The following CUX1 variants were observed in gnomAD, a reference collection of about 807,000 sequenced individuals.
The protein encoded by CUX1 is protein CASP.
CUX1 carries 31 observed loss-of-function variants against 158.8 expected under a neutral mutation model. The observed-to-expected ratio is 0.20, with a 90% CI of 0.15 to 0.26. CUX1 has a LOEUF of 0.26. Ranked by LOEUF, CUX1 falls within the 10% of genes least tolerant of loss-of-function variation. The pLI is 1.00. For synonymous variants in CUX1, 879 were observed against 862.1 expected (o/e 1.02, Z -0.34); for missense variants, 1,589 against 2,014.6 (o/e 0.79, Z 4.04).
At chr7:101,820,994 C>T (rs1301297168) in intron 1 of CUX1, among the ~76,000 whole-genome samples, 5 of 152,146 alleles carry the variant, frequency 3.3e-5, no homozygotes, top group East Asian at 1.9e-4. Flanking sequence ...TCGTGCTGGG[C>T]GCTTTAGGAA....
intron 4 of CUX1, among the ~76,000 whole-genome samples, chr7:102,084,950 A>G (rs1353395271): frequency 2.1e-5 from 3 of 145,026 alleles, no homozygotes; most frequent in Non-Finnish European, 4.5e-5. Flanking sequence ...CTTGGACCCA[A>G]CATTAGGGAA....
intron 3 of CUX1, among the ~76,000 whole-genome samples, chr7:102,062,106 A>C (rs558959975): frequency 6.6e-6 from 1 of 152,270 alleles, no homozygotes; most frequent in East Asian, 1.9e-4. Flanking sequence ...GAGGGAGCAC[A>C]CTGGCTCTTA....
At chr7:101,845,913 C>T (rs1302084042) in intron 1 of CUX1, among the ~76,000 whole-genome samples, 1 of 151,928 alleles carries the variant, frequency 6.6e-6, no homozygotes. Flanking sequence ...GAGGCTGAGG[C>T]AGGGGAATCG....
chr7:102,205,327 T>C (rs1554520814), intron 20 of CUX1, among the ~76,000 whole-genome samples, 157 bp downstream of exon 20: 1 of 151,360 alleles, frequency 6.6e-6, no homozygotes, highest in African/African-American at 2.5e-5. Flanking sequence ...GGTCCCTCTC[T>C]GTGTCAGTTT....
At chr7:102,043,362 TGTGTGTGTTGA>T (rs891535121) in intron 3 of CUX1, among the ~76,000 whole-genome samples, 15 of 149,624 alleles carry the variant, frequency 1.0e-4, no homozygotes, top group African/African-American at 3.2e-4. Flanking sequence ...TGTGTGTGTG[TGTGTGTGTTGA>T]GAACACTTGA....
intron 10 of CUX1, among the ~76,000 whole-genome samples, chr7:102,175,078 T>G (rs1554511439): frequency 6.6e-6 from 1 of 152,218 alleles, no homozygotes; most frequent in African/African-American, 2.4e-5. Context: ...TTTTTGCTGT[T>G]TTATGAAGGA....
At chr7:102,057,214 C>T (rs1240749253) in intron 3 of CUX1, among the ~76,000 whole-genome samples, 1 of 152,142 alleles carries the variant, frequency 6.6e-6, no homozygotes, top group Non-Finnish European at 1.5e-5. Flanking sequence ...AGGTTCTTTT[C>T]AAAATATGAC....
At chr7:102,095,585 G>T (rs535155925) in intron 4 of CUX1, among the ~76,000 whole-genome samples, 2 of 152,234 alleles carry the variant, frequency 1.3e-5, no homozygotes, top group South Asian at 2.1e-4. Flanking sequence ...GCTCCTGCTG[G>T]ATACGTTAAC....
chr7:102,040,670 C>A (rs1821958485), intron 3 of CUX1, among the ~76,000 whole-genome samples: 1 of 152,220 alleles, frequency 6.6e-6, no homozygotes, highest in Non-Finnish European at 1.5e-5. Context: ...CAGCCCATAT[C>A]TGTTGAGCTG....
chr7:101,834,614 G>T (rs1196409371), intron 1 of CUX1, among the ~76,000 whole-genome samples: 1 of 152,122 alleles, frequency 6.6e-6, no homozygotes, highest in Non-Finnish European at 1.5e-5. Context: ...TAAACGTGCC[G>T]CTTGTTGCCC....
chr7:101,883,338 A>T (rs1799906934), intron 1 of CUX1, among the ~76,000 whole-genome samples: 2 of 152,188 alleles, frequency 1.3e-5, no homozygotes, highest in Non-Finnish European at 2.9e-5. Context: ...TTGACATTGT[A>T]TGGGGATGAA....
At chr7:101,875,308 AATACTGCT>A (rs1799019252) in intron 1 of CUX1, among the ~76,000 whole-genome samples, 1 of 152,118 alleles carries the variant, frequency 6.6e-6, no homozygotes, top group Non-Finnish European at 1.5e-5. Flanking sequence ...GTTTTTAGAA[AATACTGCT>A]ATTCACTCAT....
intron 2 of CUX1, among the ~76,000 whole-genome samples, chr7:101,975,430 G>C (rs932676919): frequency 1.3e-5 from 2 of 151,754 alleles, no homozygotes; most frequent in African/African-American, 2.4e-5. Context: ...GGTGGCATGT[G>C]CTTGTAGTCC....
chr7:101,850,798 C>T (rs1452833035), intron 1 of CUX1, among the ~76,000 whole-genome samples: 1 of 152,142 alleles, frequency 6.6e-6, no homozygotes, highest in African/African-American at 2.4e-5. Context: ...TCAGAAAAGG[C>T]TGCCTACGCC....
intron 23 of CUX1, among the ~76,000 whole-genome samples, chr7:102,242,756 C>A (rs1800358377): frequency 6.6e-6 from 1 of 152,186 alleles, no homozygotes; most frequent in Non-Finnish European, 1.5e-5. Context: ...CAGTCACTGC[C>A]CCCTGGCCAG....
chr7:102,222,811 CTTTTTTT>C lies in CUX1; in HGVS notation c.3131-4536_3131-4530del, dbSNP rs71123016. Among the ~76,000 whole-genome samples, 181 of 25,522 alleles carry C rather than the reference CTTTTTTT, an allele frequency of 7.1e-3. 1 individual carries two copies. Among genetic ancestry groups the C allele is most frequent in the African/African-American group, 0.019 (113 of 5,800 alleles). 16.7% of individuals were successfully genotyped at this position (25,522 alleles called of 152,430 possible). ...GGCTGTGTGTCTCGGGGCACCGTAT[CTTTTTTT>C]TTTTTTTTTTTTTTTTTTTGAGACA... On this transcript the variant is annotated intron_variant, in intron 20 of 23. Transcript: ENST00000292535.
At chr7:101,981,077 GCCTAGGGAGATGA>G (rs1813375117) in intron 2 of CUX1, among the ~76,000 whole-genome samples, 1 of 152,172 alleles carries the variant, frequency 6.6e-6, no homozygotes, top group African/African-American at 2.4e-5. Flanking sequence ...CATCAGGCTT[GCCTAGGGAGATGA>G]CCTAGGGAGA....
At chr7:101,929,794 G>T (rs1219231990) in intron 2 of CUX1, among the ~76,000 whole-genome samples, 2 of 152,100 alleles carry the variant, frequency 1.3e-5, no homozygotes, top group East Asian at 3.8e-4. Flanking sequence ...TGGGAATGAG[G>T]CCATATAATC....
intron 1 of CUX1, among the ~76,000 whole-genome samples, chr7:101,821,861 T>TG (rs1226254934): frequency 2.2e-5 from 3 of 138,642 alleles, no homozygotes; most frequent in African/African-American, 8.2e-5. Flanking sequence ...TTTTTTGTTT[T>TG]TTTTTTTTTT....
Sources: allele counts gnomAD v4.1 joint callset (sites outside exome capture counted in the v4.1 genomes callset), GRCh38; gene constraint gnomAD v4.1.1; transcripts MANE v1.5; gene names NCBI Gene and HGNC (gene_info 2026-07-23, HGNC 2026-07-21).